The following FGF7 variants were observed in gnomAD, a reference collection of about 807,000 sequenced individuals.
FGF7 encodes the protein fibroblast growth factor 7.
A neutral mutation model predicts 20.5 loss-of-function variants in FGF7; 6 were observed. The observed-to-expected ratio is 0.29, with a 90% CI of 0.16 to 0.58. The LOEUF (loss-of-function observed/expected upper bound fraction) is 0.58, where lower values mean the gene tolerates loss of function less well. Among genes scored for constraint, FGF7 ranks in the 20% least tolerant of loss-of-function variants. The pLI is 0.90. For synonymous variants in FGF7, 64 were observed against 74.7 expected, an observed-to-expected ratio of 0.86 and a Z score of 0.74; for missense variants, 144 against 228.8, an observed-to-expected ratio of 0.63 and a Z score of 2.39.
At chr15:49,430,242 C>A (rs1028300581) in intron 2 of FGF7, among the ~76,000 whole-genome samples, 2 of 152,052 alleles carry the variant, frequency 1.3e-5, no homozygotes, top group Non-Finnish European at 2.9e-5. Context: ...TTCTGTACCA[C>A]AGCCTCACAA....
At position 49,424,230 on chromosome 15, in the gene FGF7, G is replaced by C; in HGVS notation, c.-68G>C. Reference sequence around the variant, plus strand: ...CAGATAGGAAGAGGTCAATGACCTAGGAGTAACAATCAACTCAAGATTCAT... The same window carrying C: ...CAGATAGGAAGAGGTCAATGACCTACGAGTAACAATCAACTCAAGATTCAT... On this transcript the variant is annotated 5_prime_UTR_variant, in exon 2 of 4. The change abolishes the stop of an existing upstream ORF in the 5' untranslated region. Coordinates refer to ENST00000267843, the MANE Select transcript of FGF7 (RefSeq NM_002009.4). 7.2e-7 allele frequency: 1 copy of C among 1,386,714 alleles called. No homozygotes were observed. The highest frequency in any genetic ancestry group is 1.0e-6 in the Non-Finnish European group (1 of 990,668). 85.9% of individuals were successfully genotyped at this position (1,386,714 alleles called of 1,614,324 possible).
intron 2 of FGF7, among the ~76,000 whole-genome samples, chr15:49,458,878 G>T (rs1430975446): frequency 6.6e-6 from 1 of 151,996 alleles, no homozygotes; most frequent in Admixed American, 6.6e-5. Context: ...TTTCTAGACT[G>T]ACCAACATCT....
At chr15:49,458,157 T>G (rs935085966) in intron 2 of FGF7, among the ~76,000 whole-genome samples, 2 of 151,984 alleles carry the variant, frequency 1.3e-5, no homozygotes, top group Admixed American at 6.6e-5. Flanking sequence ...ATCACTAACA[T>G]AAATTATTGA....
rs971779040 is a variant in FGF7 at position 49,486,985 on chromosome 15, T to C, written c.*2481T>C. On this transcript the variant is annotated 3_prime_UTR_variant, in exon 4 of 4. Transcript: ENST00000267843. ...TAGATATACAGCTGTCACAAGAGTC[T>C]AGATCAGTTAGCACATGCTTTCTAC... is the stretch of plus-strand genomic sequence containing the variant. 1 of 151,930 alleles carries C rather than the reference T, an allele frequency of 6.6e-6. No individual in the cohort carries two copies. The highest frequency in any genetic ancestry group is 1.9e-4 in the East Asian group (1 of 5,192). 9.4% of individuals were successfully genotyped at this position (151,930 alleles called of 1,614,324 possible).
At chr15:49,480,409 G>A (rs2152008547) in intron 2 of FGF7, among the ~76,000 whole-genome samples, 1 of 151,614 alleles carries the variant, frequency 6.6e-6, no homozygotes, top group African/African-American at 2.4e-5. Flanking sequence ...CCAAGTTCAA[G>A]TGATTCCCCT....
chr15:49,454,773 C>G (rs368755399), intron 2 of FGF7, among the ~76,000 whole-genome samples: 2 of 152,076 alleles, frequency 1.3e-5, no homozygotes, highest in Non-Finnish European at 2.9e-5. Context: ...CCATGCCCCA[C>G]TAAATTTTTG....
chr15:49,457,938 A>C (rs983410323), intron 2 of FGF7, among the ~76,000 whole-genome samples: 3 of 152,024 alleles, frequency 2.0e-5, no homozygotes, highest in Non-Finnish European at 2.9e-5. Flanking sequence ...AGAAAAATTA[A>C]GCCTTTACTG....
intron 2 of FGF7, among the ~76,000 whole-genome samples, chr15:49,468,001 T>C (rs926948541): frequency 6.6e-6 from 1 of 152,200 alleles, no homozygotes; most frequent in Non-Finnish European, 1.5e-5. Context: ...CAAATTCTGA[T>C]ATAGTTCTAA....
chr15:49,464,723 A>C (rs540490160), intron 2 of FGF7, among the ~76,000 whole-genome samples: 10 of 152,304 alleles, frequency 6.6e-5, no homozygotes, highest in Admixed American at 5.9e-4. Context: ...AAAGTAATGG[A>C]CACTATCAGG....
chr15:49,466,731 T>C (rs183597235), intron 2 of FGF7, among the ~76,000 whole-genome samples: 14 of 152,280 alleles, frequency 9.2e-5, no homozygotes, highest in East Asian at 7.7e-4. Context: ...TGGATATACA[T>C]TGGTAATATA....
intron 2 of FGF7, among the ~76,000 whole-genome samples, chr15:49,476,231 G>GTTTTTTTTTTTTTTTTTTTTTTTTTT (rs1567351795): frequency 6.9e-5 from 2 of 29,116 alleles, no homozygotes; most frequent in Non-Finnish European, 1.5e-4. Flanking sequence ...TTTTGTTTTT[G>GTTTTTTTTTTTTTTTTTTTTTTTTTT]GTTTTTTTTT....
At chr15:49,446,196 T>G (rs138905444) in intron 2 of FGF7, among the ~76,000 whole-genome samples, 1 of 151,584 alleles carries the variant, frequency 6.6e-6, no homozygotes, top group African/African-American at 2.4e-5. Flanking sequence ...ATGGGAACAC[T>G]TTTTTCTTTT....
intron 2 of FGF7, among the ~76,000 whole-genome samples, chr15:49,433,925 C>T (rs2050849246): frequency 6.6e-6 from 1 of 151,768 alleles, no homozygotes; most frequent in African/African-American, 2.4e-5. Context: ...ATTAAATGAG[C>T]TATACTAGAA....
intron 2 of FGF7, among the ~76,000 whole-genome samples, chr15:49,455,597 G>C (rs943056832): frequency 6.6e-6 from 1 of 152,078 alleles, no homozygotes; most frequent in Non-Finnish European, 1.5e-5. Context: ...TTTGGATTTA[G>C]ATAAAAGTCT....
intron 2 of FGF7, among the ~76,000 whole-genome samples, chr15:49,456,822 A>AATCAG (rs1039479774): frequency 1.3e-5 from 2 of 152,148 alleles, no homozygotes; most frequent in Admixed American, 6.5e-5. Context: ...GAGTTGTGAG[A>AATCAG]ATCAGTGGCA....
Position 49,478,652 on chromosome 15 carries a change from C to T in FGF7, c.287-4499C>T, listed in dbSNP as rs1439215509. 2.6e-5 allele frequency among the ~76,000 whole-genome samples: 4 copies of T among 152,214 alleles called. No homozygotes were observed. The East Asian group carries it at 5.8e-4, about 22-fold the overall frequency. On this transcript the variant is annotated intron_variant, in intron 2 of 3. Transcript: ENST00000267843. ...TTCTGATTGGCTAACCATCAAACCA[C>T]TGCCTCCACTTTTTTTCCAACTTGA...
intron 2 of FGF7, among the ~76,000 whole-genome samples, chr15:49,440,444 C>T (rs769367793): frequency 6.6e-6 from 1 of 151,464 alleles, no homozygotes; most frequent in Non-Finnish European, 1.5e-5. Flanking sequence ...TTATAGTTGG[C>T]CATCTATAAT....
rs377679450 is a variant in FGF7, at chr15:49,424,342, C to T, written c.45C>T (p.Tyr15=). 45 of 1,613,484 alleles carry T rather than the reference C, an allele frequency of 2.8e-5. No individual in the cohort carries two copies. The highest frequency in any genetic ancestry group is 3.5e-5 in the Non-Finnish European group (41 of 1,179,664). The change falls in exon 2 of 4, where the codon TAC becomes TAT. Residue 15 remains tyrosine, a synonymous_variant. Coordinates refer to ENST00000267843, the MANE Select transcript of FGF7 (RefSeq NM_002009.4). ...CATGGATCCTGCCAACTTTGCTCTA[C>T]AGATCATGCTTTCACATTATCTGTC... ...ILTWILPTLL[Y]RSCFHIICLV...
chr15:49,487,360 A>G lies in FGF7; in HGVS notation c.*2856A>G, dbSNP rs1380289236. 1 of 151,994 alleles carries G rather than the reference A, an allele frequency of 6.6e-6. No individual in the cohort carries two copies. Among genetic ancestry groups the G allele is most frequent in the African/African-American group, 2.4e-5 (1 of 41,438 alleles). 9.4% of individuals were successfully genotyped at this position (151,994 alleles called of 1,614,324 possible). ...AATTAAAACATGAAATGATAACAAAAGTAAACAAAAGATACTTTCAAAGCA... is the reference window on the plus strand; with the variant it reads ...AATTAAAACATGAAATGATAACAAAGGTAAACAAAAGATACTTTCAAAGCA... On this transcript the variant is annotated 3_prime_UTR_variant, in exon 4 of 4. Transcript: ENST00000267843.
Sources: gnomAD v4.1 joint callset for allele counts (sites outside exome capture counted in the v4.1 genomes callset) on GRCh38, gnomAD v4.1.1 for gene constraint, MANE v1.5 for transcripts, NCBI Gene and HGNC (gene_info 2026-07-23, HGNC 2026-07-21) for gene names.